ARHGEF28: variants seen among roughly 807,000 people sequenced by gnomAD.
The protein encoded by ARHGEF28 is Rho guanine nucleotide exchange factor 28, also known as 190 kDa guanine nucleotide exchange factor.
Under a neutral mutation model 206.6 loss-of-function variants are expected in ARHGEF28, and 152 were observed. The observed-to-expected ratio is 0.74, with a 90% CI of 0.64 to 0.84. The LOEUF (loss-of-function observed/expected upper bound fraction) is 0.84. ARHGEF28 is among the 40% of genes least tolerant of loss of function. The pLI, the probability that ARHGEF28 is intolerant of heterozygous loss-of-function variation, is 0.00. For synonymous variants in ARHGEF28, 763 were observed against 776.4 expected, an observed-to-expected ratio of 0.98 and a Z score of 0.29; for missense variants, 2,028 against 2,073.2, an observed-to-expected ratio of 0.98 and a Z score of 0.42.
intron 1 of ARHGEF28, among the ~76,000 whole-genome samples, chr5:73,643,152 A>G (rs529374057): frequency 1.3e-5 from 2 of 152,356 alleles, no homozygotes; most frequent in African/African-American, 2.4e-5. Flanking sequence ...GAAATAAGCA[A>G]TGGTAACACG....
intron 1 of ARHGEF28, among the ~76,000 whole-genome samples, chr5:73,684,140 A>G (rs1447276247): frequency 6.6e-6 from 1 of 152,150 alleles, no homozygotes; most frequent in African/African-American, 2.4e-5. Flanking sequence ...GTACATTCAC[A>G]TTGTTGTGCA....
At chr5:73,925,472 T>C (rs443995) in intron 35 of ARHGEF28, among the ~76,000 whole-genome samples, 31,909 of 152,250 alleles carry the variant, frequency 0.21, 4,526 homozygotes, top group African/African-American at 0.4. Flanking sequence ...TTCTCACTTG[T>C]TTGCTTTATG....
chr5:73,886,318 C>T (rs991405820), intron 25 of ARHGEF28, among the ~76,000 whole-genome samples: 5 of 152,166 alleles, frequency 3.3e-5, no homozygotes, highest in Admixed American at 2.0e-4. Context: ...AACCTTTATA[C>T]ATGTTTTATG....
intron 7 of ARHGEF28, among the ~76,000 whole-genome samples, chr5:73,793,322 T>A (rs955801390): frequency 6.6e-6 from 1 of 152,238 alleles, no homozygotes; most frequent in Admixed American, 6.5e-5. Flanking sequence ...TGATTTGTCA[T>A]GTAGAGCCAT....
intron 1 of ARHGEF28, among the ~76,000 whole-genome samples, chr5:73,654,822 C>T (rs1290614016): frequency 6.6e-6 from 1 of 152,118 alleles, no homozygotes; most frequent in African/African-American, 2.4e-5. Context: ...AGTTACCACT[C>T]CTTTTTTTTC....
At chr5:73,721,037 T>C (rs545146207) in intron 2 of ARHGEF28, among the ~76,000 whole-genome samples, 1 of 152,348 alleles carries the variant, frequency 6.6e-6, no homozygotes, top group Middle Eastern at 3.4e-3. Flanking sequence ...TTAGAGAATT[T>C]TGTTATTTTA....
At chr5:73,895,719 T>G (rs1162048358) in intron 29 of ARHGEF28, among the ~76,000 whole-genome samples, 1 of 152,168 alleles carries the variant, frequency 6.6e-6, no homozygotes, top group Non-Finnish European at 1.5e-5. Context: ...ATCTGCTTGT[T>G]TATGTGTTGC....
At chr5:73,752,038 T>G (rs977445415) in intron 3 of ARHGEF28, among the ~76,000 whole-genome samples, 1 of 152,170 alleles carries the variant, frequency 6.6e-6, no homozygotes, top group African/African-American at 2.4e-5. Flanking sequence ...GGAGGAATGA[T>G]TGTACCTGTT....
rs1210689548 is a variant in ARHGEF28 at position 73,926,671 on chromosome 5, C to T, written c.4949-14173C>T. 2.6e-5 allele frequency among the ~76,000 whole-genome samples: 4 copies of T among 152,210 alleles called. No homozygotes were observed. The South Asian group carries it at 8.3e-4, about 32-fold the overall frequency. ...TGGACACCCTGGGCAGCTTTCAAGG[C>T]TCAGTTCATGTGCTTTCTCCTCTCT... On this transcript the variant is annotated intron_variant, in intron 35 of 35. Transcript: ENST00000513042.
chr5:73,680,908 G>A (rs1010147063), intron 1 of ARHGEF28, among the ~76,000 whole-genome samples: 1 of 151,514 alleles, frequency 6.6e-6, no homozygotes, highest in African/African-American at 2.4e-5. Flanking sequence ...TTGCCATGTT[G>A]CCCAGGCTGG....
At chr5:73,738,310 G>T (rs752018604) in intron 2 of ARHGEF28, among the ~76,000 whole-genome samples, 1 of 152,140 alleles carries the variant, frequency 6.6e-6, no homozygotes, top group South Asian at 2.1e-4. Context: ...CAAGGTTATG[G>T]GTCTTCAGTT....
intron 14 of ARHGEF28, among the ~76,000 whole-genome samples, chr5:73,855,438 A>C (rs1174341326): frequency 6.6e-6 from 1 of 152,222 alleles, no homozygotes; most frequent in Non-Finnish European, 1.5e-5. Context: ...CAGCTTAAAA[A>C]GTTGAAGTAT....
At chr5:73,879,079 G>T (rs1446495223) in intron 22 of ARHGEF28, among the ~76,000 whole-genome samples, 1 of 151,978 alleles carries the variant, frequency 6.6e-6, no homozygotes, top group Non-Finnish European at 1.5e-5. Context: ...ACGCAGATTT[G>T]GTCTTTTCAC....
intron 16 of ARHGEF28, among the ~76,000 whole-genome samples, chr5:73,858,974 G>C (rs1002010617): frequency 2.0e-5 from 3 of 152,012 alleles, no homozygotes; most frequent in Non-Finnish European, 2.9e-5. Flanking sequence ...TCCTGCCTTA[G>C]GGCCTTCTCT....
chr5:73,672,174 T>G (rs1292792307), intron 1 of ARHGEF28, among the ~76,000 whole-genome samples: 3 of 152,160 alleles, frequency 2.0e-5, no homozygotes, highest in Non-Finnish European at 2.9e-5. Context: ...CTGGCCCCTA[T>G]AAGTCTATTC....
chr5:73,874,664 C>T (rs981437850), intron 22 of ARHGEF28, among the ~76,000 whole-genome samples: 29 of 147,008 alleles, frequency 2.0e-4, no homozygotes, highest in African/African-American at 6.3e-4. Flanking sequence ...TGAGAACATG[C>T]GGTGTTTGGT....
chr5:73,913,376 A>G (rs751904075), intron 35 of ARHGEF28, among the ~76,000 whole-genome samples: 1 of 152,208 alleles, frequency 6.6e-6, no homozygotes, highest in African/African-American at 2.4e-5. Flanking sequence ...CAATTTCTAC[A>G]GGGGAGAAAA....
chr5:73,887,051 A>T (rs1580051392), intron 25 of ARHGEF28, among the ~76,000 whole-genome samples: 2 of 152,348 alleles, frequency 1.3e-5, no homozygotes, highest in Admixed American at 1.3e-4. Context: ...ATTGAAAAAA[A>T]TATTAACCAC....
chr5:73,906,086 C>G (rs1762535083), intron 33 of ARHGEF28, among the ~76,000 whole-genome samples: 1 of 152,210 alleles, frequency 6.6e-6, no homozygotes, highest in Admixed American at 6.5e-5. Context: ...TCGACTCTAT[C>G]AAGACTTCTT....
Sources: gnomAD v4.1 joint callset for allele counts (sites outside exome capture counted in the v4.1 genomes callset) on GRCh38, gnomAD v4.1.1 for gene constraint, MANE v1.5 for transcripts, NCBI Gene and HGNC (gene_info 2026-07-23, HGNC 2026-07-21) for gene names.